Variants in NRG3 observed in about 807,000 individuals in gnomAD.
NRG3 encodes the protein pro-neuregulin-3, membrane-bound isoform.
A neutral mutation model predicts 66.9 loss-of-function variants in NRG3; 31 were observed. The ratio of observed to expected loss-of-function variants is 0.46; its 90% confidence interval spans 0.35 to 0.63. The LOEUF (loss-of-function observed/expected upper bound fraction) is 0.63, where lower values mean the gene tolerates loss of function less well. NRG3 is among the 20% of genes least tolerant of loss of function. The pLI, the probability that NRG3 is intolerant of heterozygous loss-of-function variation, is 0.00. For missense variants in NRG3, 910 were observed against 878.9 expected, an observed-to-expected ratio of 1.04 and a Z score of -0.45; for synonymous variants, 393 against 359.4, an observed-to-expected ratio of 1.09 and a Z score of -1.06.
At chr10:82,370,054 G>A (rs1209632372) in intron 2 of NRG3, among the ~76,000 whole-genome samples, 3 of 138,776 alleles carry the variant, frequency 2.2e-5, no homozygotes, top group Middle Eastern at 3.5e-3. Flanking sequence ...AACCCTCCAC[G>A]TTACAAAGCT....
At chr10:82,253,326 C>T (rs1427260267) in intron 1 of NRG3, among the ~76,000 whole-genome samples, 2 of 152,162 alleles carry the variant, frequency 1.3e-5, no homozygotes, top group African/African-American at 4.8e-5. Context: ...CTTCCTACTT[C>T]AAACCCACAA....
At chr10:82,667,722 A>G (rs2052915425) in intron 2 of NRG3, among the ~76,000 whole-genome samples, 1 of 152,142 alleles carries the variant, frequency 6.6e-6, no homozygotes, top group South Asian at 2.1e-4. Flanking sequence ...TGTGCTCCCA[A>G]CAGTTACTTG....
At chr10:82,889,151 A>C (rs2136109694) in intron 4 of NRG3, among the ~76,000 whole-genome samples, 1 of 152,184 alleles carries the variant, frequency 6.6e-6, no homozygotes, top group East Asian at 1.9e-4. Context: ...TGTGGTTGAG[A>C]GGGAGGGTAA....
intron 6 of NRG3, among the ~76,000 whole-genome samples, chr10:82,960,585 G>A (rs1850543914): frequency 6.6e-6 from 1 of 151,390 alleles, no homozygotes; most frequent in Non-Finnish European, 1.5e-5. Flanking sequence ...TATCCCCTGT[G>A]ACCTGCACGT....
rs978614736 is a variant in NRG3 at position 81,949,800 on chromosome 10, A to G, written c.823+73637A>G. On this transcript the variant is annotated intron_variant, in intron 1 of 8. Coordinates refer to ENST00000372141, the MANE Select transcript of NRG3 (RefSeq NM_001010848.4). ...ACTTGTGGAGATATTCAGAAACATT[A>G]AAGTCCTTGGTCCTCATGAGAAAAG... Among the ~76,000 whole-genome samples, 4 of 152,242 alleles carry G rather than the reference A, an allele frequency of 2.6e-5. No individual in the cohort carries two copies. In the East Asian group the frequency reaches 5.8e-4, roughly 22 times the overall value.
intron 1 of NRG3, among the ~76,000 whole-genome samples, chr10:82,278,175 C>A (rs1365589261): frequency 6.6e-6 from 1 of 152,004 alleles, no homozygotes; most frequent in South Asian, 2.1e-4. Context: ...GCTAAACCTC[C>A]AAGAAAATGA....
At chr10:82,467,005 C>T (rs2132019591) in intron 2 of NRG3, among the ~76,000 whole-genome samples, 1 of 151,986 alleles carries the variant, frequency 6.6e-6, no homozygotes, top group East Asian at 1.9e-4. Flanking sequence ...CAAGGATGTG[C>T]AAGCTGGTAA....
At chr10:82,643,090 C>G (rs2050693681) in intron 2 of NRG3, among the ~76,000 whole-genome samples, 1 of 152,022 alleles carries the variant, frequency 6.6e-6, no homozygotes, top group African/African-American at 2.4e-5. Context: ...TTAAAATATA[C>G]TGACTTTTCT....
intron 1 of NRG3, among the ~76,000 whole-genome samples, chr10:82,022,384 T>C (rs1564745781): frequency 6.6e-6 from 1 of 152,066 alleles, no homozygotes; most frequent in Non-Finnish European, 1.5e-5. Flanking sequence ...ATGCCTTTAT[T>C]ATCATGGCTC....
intron 2 of NRG3, among the ~76,000 whole-genome samples, chr10:82,542,894 CTT>C (rs35864856): frequency 3.3e-4 from 48 of 144,768 alleles, no homozygotes; most frequent in African/African-American, 5.7e-4. Flanking sequence ...TCATTTAGAT[CTT>C]TTTTTTTTTT....
intron 2 of NRG3, among the ~76,000 whole-genome samples, chr10:82,653,397 G>A (rs1173651626): frequency 6.6e-6 from 1 of 152,194 alleles, no homozygotes; most frequent in African/African-American, 2.4e-5. Context: ...AAGAAGAGAA[G>A]TTGAGGCTGA....
At chr10:82,087,939 C>T (rs2065819787) in intron 1 of NRG3, among the ~76,000 whole-genome samples, 2 of 151,938 alleles carry the variant, frequency 1.3e-5, no homozygotes, top group Non-Finnish European at 1.5e-5. Context: ...CTTGAGGTAT[C>T]TGAGAAAAAG....
intron 1 of NRG3, among the ~76,000 whole-genome samples, chr10:82,021,786 ATGTGTGTGTGTGTGTGTGTGTG>A (rs71950373): frequency 0.032 from 1,981 of 61,106 alleles, 50 homozygotes; most frequent in African/African-American, 0.091. Context: ...GGCATGTAGT[ATGTGTGTGTGTGTGTGTGTGTG>A]TGTGTGTGTG....
intron 1 of NRG3, among the ~76,000 whole-genome samples, chr10:82,225,013 A>G (rs1295023695): frequency 1.3e-5 from 2 of 152,032 alleles, no homozygotes; most frequent in African/African-American, 2.4e-5. Flanking sequence ...AATATTAAAA[A>G]TAAAATCACC....
At chr10:82,887,544 A>G (rs1451529184) in intron 4 of NRG3, among the ~76,000 whole-genome samples, 1 of 152,244 alleles carries the variant, frequency 6.6e-6, no homozygotes, top group Non-Finnish European at 1.5e-5. Context: ...GCATGAAAGC[A>G]TGACACGTAT....
chr10:82,550,079 A>C (rs951503411), intron 2 of NRG3, among the ~76,000 whole-genome samples: 10 of 152,142 alleles, frequency 6.6e-5, no homozygotes, highest in African/African-American at 2.4e-4. Flanking sequence ...ATCTGTGCTG[A>C]AGTCCTCGAG....
At chr10:82,138,329 G>T (rs139414269) in intron 1 of NRG3, among the ~76,000 whole-genome samples, 1 of 152,090 alleles carries the variant, frequency 6.6e-6, no homozygotes, top group Non-Finnish European at 1.5e-5. Context: ...TAATATGAAA[G>T]AAATAATTAT....
chr10:81,958,751 T>C (rs1850076734), intron 1 of NRG3, among the ~76,000 whole-genome samples: 1 of 152,050 alleles, frequency 6.6e-6, no homozygotes, highest in Non-Finnish European at 1.5e-5. Flanking sequence ...TAGCTGGGCA[T>C]GGCGGTGGAT....
chr10:82,740,297 G>A (rs930972777), intron 3 of NRG3, among the ~76,000 whole-genome samples: 37 of 150,396 alleles, frequency 2.5e-4, no homozygotes, highest in African/African-American at 8.4e-4. Flanking sequence ...CTGTGGAATA[G>A]CTATTCAGTA....
Sources: gnomAD v4.1 joint callset for allele counts (sites outside exome capture counted in the v4.1 genomes callset) on GRCh38, gnomAD v4.1.1 for gene constraint, MANE v1.5 for transcripts, NCBI Gene and HGNC (gene_info 2026-07-23, HGNC 2026-07-21) for gene names.